KLHL29: variants seen among roughly 807,000 people sequenced by gnomAD.
The protein encoded by KLHL29 is kelch like family member 29.
Under a neutral mutation model 80.4 loss-of-function variants are expected in KLHL29, and 21 were observed. The ratio of observed to expected loss-of-function variants is 0.26; its 90% confidence interval spans 0.19 to 0.38. KLHL29 has a LOEUF of 0.38. Among genes scored for constraint, KLHL29 ranks in the 10% least tolerant of loss-of-function variants. KLHL29 has a pLI of 1.00. For synonymous variants in KLHL29, 511 were observed against 526.8 expected (o/e 0.97, Z 0.41); for missense variants, 867 against 1,223.9 (o/e 0.71, Z 4.35).
chr2:23,621,100 C>G (rs1469878266), intron 3 of KLHL29, among the ~76,000 whole-genome samples: 1 of 152,240 alleles, frequency 6.6e-6, no homozygotes, highest in East Asian at 1.9e-4. Flanking sequence ...AAGCCCCGGT[C>G]CCCTGGCAGA....
In KLHL29 at chr2:23,521,181, G is replaced by A. The variant is rs550164781; in HGVS notation, c.-45-40971G>A. Among the ~76,000 whole-genome samples the A allele has an allele frequency of 7.9e-5, 12 of 152,284 alleles. No individual in the cohort carries two copies. The South Asian group carries it at 1.7e-3, about 21-fold the overall frequency. ...ACATGCAGGAGGTATCCTGGGAGGG[G>A]ACTGCTTCGAGGGGCTTCCCCAAGG... On this transcript the variant is annotated intron_variant, in intron 2 of 13. Coordinates refer to ENST00000486442, the MANE Select transcript of KLHL29 (RefSeq NM_052920.2).
chr2:23,487,047 C>T (rs577206677), intron 2 of KLHL29, among the ~76,000 whole-genome samples: 3 of 152,278 alleles, frequency 2.0e-5, no homozygotes, highest in African/African-American at 7.2e-5. Context: ...TATCCAAGGT[C>T]GCTGAACTAG....
chr2:23,429,769 A>G (rs1452856561), intron 1 of KLHL29, among the ~76,000 whole-genome samples: 2 of 152,100 alleles, frequency 1.3e-5, no homozygotes, highest in Non-Finnish European at 2.9e-5. Context: ...AAAAAAGAAA[A>G]AAGAAAAAAA....
chr2:23,416,570 G>A (rs1212446105), intron 1 of KLHL29, among the ~76,000 whole-genome samples: 1 of 152,138 alleles, frequency 6.6e-6, no homozygotes, highest in African/African-American at 2.4e-5. Flanking sequence ...TTTTTTGCCT[G>A]TGAGGTTCAC....
At chr2:23,571,993 C>G (rs146368120) in intron 3 of KLHL29, among the ~76,000 whole-genome samples, 124 of 152,298 alleles carry the variant, frequency 8.1e-4, no homozygotes, top group Non-Finnish European at 1.3e-3. Flanking sequence ...TCGTGAGTAC[C>G]CTGTCCTATT....
At chr2:23,568,403 G>A (rs1301052345) in intron 3 of KLHL29, among the ~76,000 whole-genome samples, 1 of 152,174 alleles carries the variant, frequency 6.6e-6, no homozygotes, top group Admixed American at 6.5e-5. Flanking sequence ...TCATTTATCT[G>A]TGGTCTGCTG....
intron 1 of KLHL29, among the ~76,000 whole-genome samples, chr2:23,399,548 A>G (rs1005047712): frequency 5.3e-5 from 8 of 152,224 alleles, no homozygotes; most frequent in Admixed American, 5.2e-4. Context: ...CTCTGTGCTG[A>G]GCATTGCATT....
chr2:23,693,234 C>T (rs1350750441), intron 7 of KLHL29, 35 bp from the exon 8 acceptor site: 21 of 1,522,210 alleles, frequency 1.4e-5, no homozygotes, highest in Non-Finnish European at 1.8e-5. Context: ...GCTTCCCGGG[C>T]CTTTGGGTCA....
At position 23,703,255 on chromosome 2, in the gene KLHL29, C is replaced by T. The variant is rs1176253008; in HGVS notation, c.2175C>T (p.Ala725=). 1.9e-6 allele frequency: 3 copies of T among 1,545,682 alleles called. No homozygotes were observed. The highest frequency in any genetic ancestry group is 2.6e-6 in the Non-Finnish European group (3 of 1,144,060). The change falls in exon 12 of 14, where the codon GCC becomes GCT. Residue 725 remains alanine (A), a synonymous_variant. Transcript: ENST00000486442. The part of the protein sequence containing the change: ...PLPKAVHSAA[A]TVCGGKIYVF... ...CCAAGGCAGTACACTCTGCTGCAGCCACAGTGTGTGGCGGCAAGATCTACG... is the reference window on the plus strand; with the variant it reads ...CCAAGGCAGTACACTCTGCTGCAGCTACAGTGTGTGGCGGCAAGATCTACG...
At position 23,624,966 on chromosome 2, in the gene KLHL29, A is replaced by C. The variant is rs185182662; in HGVS notation, c.286-14173A>C. On this transcript the variant is annotated intron_variant, in intron 3 of 13. Coordinates refer to ENST00000486442, the MANE Select transcript of KLHL29 (RefSeq NM_052920.2). ...AGCAGGGGCTCAGAGAGGTGGTATG[A>C]CTTGTGCAAGGTCACAAGGCCAGTT... Among the ~76,000 whole-genome samples the C allele has an allele frequency of 4.8e-4, 73 of 152,322 alleles. No homozygotes were observed. The East Asian group carries it at 0.012, about 26-fold the overall frequency.
At chr2:23,629,276 G>A (rs752790922) in intron 3 of KLHL29, among the ~76,000 whole-genome samples, 7 of 152,188 alleles carry the variant, frequency 4.6e-5, no homozygotes, top group Non-Finnish European at 8.8e-5. Context: ...GGCCTGCCCT[G>A]CACCTTTCAG....
At chr2:23,435,020 G>T (rs1039856368) in intron 1 of KLHL29, among the ~76,000 whole-genome samples, 1 of 152,242 alleles carries the variant, frequency 6.6e-6, no homozygotes, top group African/African-American at 2.4e-5. Context: ...TGCTTTCACA[G>T]AGCTGATGAA....
At chr2:23,566,320 C>T (rs558750972) in intron 3 of KLHL29, among the ~76,000 whole-genome samples, 4 of 152,338 alleles carry the variant, frequency 2.6e-5, no homozygotes, top group Admixed American at 6.5e-5. Flanking sequence ...AGAGTGACCA[C>T]GTCCTCCAGC....
intron 5 of KLHL29, among the ~76,000 whole-genome samples, chr2:23,677,803 C>CT (rs1211837026): frequency 1.3e-5 from 2 of 152,230 alleles, no homozygotes; most frequent in Non-Finnish European, 1.5e-5. Flanking sequence ...CTGCCTGACA[C>CT]TGTCTTTGCT....
chr2:23,531,742 A>T (rs1558375850), intron 2 of KLHL29, among the ~76,000 whole-genome samples: 1 of 152,220 alleles, frequency 6.6e-6, no homozygotes, highest in Non-Finnish European at 1.5e-5. Context: ...GCAGCAACTG[A>T]TCCCAAGTTA....
chr2:23,627,564 CTG>C (rs1669347392), intron 3 of KLHL29, among the ~76,000 whole-genome samples: 1 of 152,238 alleles, frequency 6.6e-6, no homozygotes, highest in African/African-American at 2.4e-5. Context: ...CACAATAAAA[CTG>C]TAGTAGCTCC....
At chr2:23,420,752 C>T (rs531702723) in intron 1 of KLHL29, among the ~76,000 whole-genome samples, 8 of 152,276 alleles carry the variant, frequency 5.3e-5, no homozygotes, top group East Asian at 1.9e-4. Context: ...CTCCCAGCCA[C>T]GTCCACCCTT....
intron 2 of KLHL29, among the ~76,000 whole-genome samples, chr2:23,528,875 G>T (rs536872010): frequency 6.6e-6 from 1 of 152,212 alleles, no homozygotes; most frequent in Non-Finnish European, 1.5e-5. Context: ...CGGTGCTGCC[G>T]TGTGTGTGGT....
chr2:23,665,205 G>A (rs1157666224), intron 5 of KLHL29, among the ~76,000 whole-genome samples: 1 of 152,256 alleles, frequency 6.6e-6, no homozygotes. Flanking sequence ...CCACATGGCA[G>A]ATTTCTCTCC....
Sources: allele counts gnomAD v4.1 joint callset (sites outside exome capture counted in the v4.1 genomes callset), GRCh38; gene constraint gnomAD v4.1.1; transcripts MANE v1.5; gene names NCBI Gene and HGNC (gene_info 2026-07-23, HGNC 2026-07-21).